The following CLTB variants were observed in gnomAD, a reference collection of about 807,000 sequenced individuals.
CLTB encodes clathrin, light chain (Lcb).
A neutral mutation model predicts 30.5 loss-of-function variants in CLTB; 10 were observed. That is an observed-to-expected ratio of 0.33 (90% CI 0.20 to 0.56). The LOEUF (loss-of-function observed/expected upper bound fraction) is 0.56, where lower values mean the gene tolerates loss of function less well. CLTB is among the 20% of genes least tolerant of loss of function. The pLI is 0.91. For missense variants in CLTB, 261 were observed against 308.3 expected, an observed-to-expected ratio of 0.85 and a Z score of 1.15; for synonymous variants, 102 against 120.3, an observed-to-expected ratio of 0.85 and a Z score of 1.00.
chr5:176,411,558 A>C lies in CLTB; in HGVS notation c.188-1255T>G, dbSNP rs187418724. Reference sequence around the variant, plus strand: ...CTATTCCTCCTGCAGTATTAAGCGCACTTACTACAGCCTGCTGTGTTTATT... The same window carrying C: ...CTATTCCTCCTGCAGTATTAAGCGCCCTTACTACAGCCTGCTGTGTTTATT... On this transcript the variant is annotated intron_variant, in intron 1 of 5. Transcript: ENST00000310418. Among the ~76,000 whole-genome samples the C allele has an allele frequency of 2.0e-5, 3 of 152,172 alleles. No homozygotes were observed. The East Asian group carries it at 5.8e-4, about 29-fold the overall frequency.
intron 2 of CLTB, chr5:176,406,844 G>A (rs541208571): frequency 1.6e-4 from 91 of 585,262 alleles, no homozygotes; most frequent in South Asian, 1.4e-3. Flanking sequence ...TAAAGAGCTG[G>A]GGCTTTCCAC....
In CLTB at chr5:176,397,723, G is replaced by A. The variant is rs878907137; in HGVS notation, c.353-5C>T. 1 of 1,612,156 alleles carries A rather than the reference G, an allele frequency of 6.2e-7. No homozygotes were observed. ...CCGTGACCTTAGATGCAGCATCTAG[G>A]ACCCCACAAGAGAATGAGTGGCTGC... On this transcript the variant is annotated splice_polypyrimidine_tract_variant and splice_region_variant and intron_variant, in intron 3 of 5. Coordinates refer to ENST00000310418, the MANE Select transcript of CLTB (RefSeq NM_007097.5).
chr5:176,407,655 T>C (rs370305981), intron 2 of CLTB: 5 of 152,358 alleles, frequency 3.3e-5, no homozygotes, highest in African/African-American at 1.2e-4. Context: ...AGGTGCACTT[T>C]AGGACACAGA....
At chr5:176,406,386 C>T in intron 2 of CLTB, 6 of 1,138,144 alleles carry the variant, frequency 5.3e-6, no homozygotes, top group Non-Finnish European at 6.6e-6. Context: ...CCCATGAGAA[C>T]CTCTGTGGAC....
At chr5:176,398,188 T>C in intron 2 of CLTB, 141 bp from the exon 3 acceptor site, 1 of 702,400 alleles carries the variant, frequency 1.4e-6, no homozygotes, top group Non-Finnish European at 2.5e-6. Context: ...ACTACACCTA[T>C]CTTTGCACTT....
intron 2 of CLTB, among the ~76,000 whole-genome samples, chr5:176,398,610 G>A (rs1756666624): frequency 6.6e-6 from 1 of 152,028 alleles, no homozygotes; most frequent in Non-Finnish European, 1.5e-5. Context: ...TACTCCGGAG[G>A]CTGAGGCAGG....
rs1258613895 is a variant in CLTB, at chr5:176,393,567, G to A, written c.519-622C>T. On this transcript the variant is annotated intron_variant, in intron 5 of 5. Coordinates refer to ENST00000310418, the MANE Select transcript of CLTB (RefSeq NM_007097.5). The surrounding 1 kb of genome is among the most constrained non-coding windows in gnomAD (Gnocchi z 4.4). ...TGTGCGTCGTGACCCTCCAAGGTGT[G>A]TATGTGATGGAATCCACCACATCCC... Among the ~76,000 whole-genome samples, 1 of 152,134 alleles carries A rather than the reference G, an allele frequency of 6.6e-6. No individual in the cohort carries two copies. The highest frequency in any genetic ancestry group is 1.5e-5 in the Non-Finnish European group (1 of 68,030).
intron 1 of CLTB, among the ~76,000 whole-genome samples, chr5:176,411,951 C>T (rs779594109): frequency 1.9e-4 from 29 of 151,846 alleles, no homozygotes; most frequent in Non-Finnish European, 3.4e-4. Context: ...CTGAGGTGGG[C>T]AGATCACGAA....
intron 1 of CLTB, among the ~76,000 whole-genome samples, chr5:176,411,687 A>T (rs941818709): frequency 6.6e-6 from 1 of 152,202 alleles, no homozygotes; most frequent in Non-Finnish European, 1.5e-5. Context: ...AGTCCCTGGA[A>T]CATAACAAGG....
chr5:176,408,227 C>CTTT (rs548324556), intron 2 of CLTB, among the ~76,000 whole-genome samples: 1 of 144,220 alleles, frequency 6.9e-6, no homozygotes, highest in Admixed American at 6.9e-5. Flanking sequence ...GGGTTTTCCT[C>CTTT]TTTTTTTTTT....
chr5:176,404,600 C>G (rs1271374936), intron 2 of CLTB, among the ~76,000 whole-genome samples: 3 of 152,186 alleles, frequency 2.0e-5, no homozygotes, highest in Admixed American at 2.0e-4. Context: ...ACTCAGCCCC[C>G]ACGGTGTCCT....
At position 176,397,602 on chromosome 5, in the gene CLTB, C is replaced by G. The variant is rs993553375; in HGVS notation, c.464+5G>C. On this transcript the variant is annotated splice_donor_5th_base_variant and intron_variant, in intron 4 of 5. Coordinates refer to ENST00000310418, the MANE Select transcript of CLTB (RefSeq NM_007097.5). The stretch of plus-strand genomic sequence containing the variant: ...GGCCCCCTCATGTCCCTACAGCCCT[C>G]TCACCGGTTGTTGATCTTGTTCTTC... 6.2e-7 allele frequency: 1 copy of G among 1,601,450 alleles called. No homozygotes were observed. Among genetic ancestry groups the G allele is most frequent in the Non-Finnish European group, 8.5e-7 (1 of 1,172,794 alleles).
chr5:176,403,291 C>T (rs1290177039), intron 2 of CLTB, among the ~76,000 whole-genome samples: 2 of 152,058 alleles, frequency 1.3e-5, no homozygotes, highest in African/African-American at 4.8e-5. Context: ...CTCAGGTGAT[C>T]CACCCACCTC....
chr5:176,410,170 G>A lies in CLTB; in HGVS notation c.234+87C>T. Reference sequence around the variant, plus strand: ...CAGACATAATGAACAGGAGAACCTGGAGCTGTAAGCCTACAACAATGAGGC... The same window carrying A: ...CAGACATAATGAACAGGAGAACCTGAAGCTGTAAGCCTACAACAATGAGGC... On this transcript the variant is annotated intron_variant, in intron 2 of 5. Transcript: ENST00000310418. 1.1e-5 allele frequency: 13 copies of A among 1,151,290 alleles called. No homozygotes were observed. The South Asian group carries it at 1.7e-4, about 15-fold the overall frequency. The allele number at this position is 1,151,290 out of a possible 1,614,324, so 71.3% of individuals were successfully genotyped here.
chr5:176,405,292 C>T (rs1757045751), intron 2 of CLTB, among the ~76,000 whole-genome samples: 1 of 151,952 alleles, frequency 6.6e-6, no homozygotes, highest in African/African-American at 2.4e-5. Flanking sequence ...AGCTCGAGAC[C>T]AGCCTGGCCA....
rs935357678 is a variant in CLTB, at chr5:176,397,597, G to T, written c.464+10C>A. On this transcript the variant is annotated intron_variant, in intron 4 of 5. Transcript: ENST00000310418. ...CCCATGGCCCCCTCATGTCCCTACA[G>T]CCCTCTCACCGGTTGTTGATCTTGT... The T allele has an allele frequency of 7.0e-7, 1 of 1,422,674 alleles. No individual in the cohort carries two copies. The allele number at this position is 1,422,674 out of a possible 1,614,324, so 88.1% of individuals were successfully genotyped here.
chr5:176,400,136 G>T (rs968816731), intron 2 of CLTB, among the ~76,000 whole-genome samples: 4 of 151,276 alleles, frequency 2.6e-5, no homozygotes, highest in Admixed American at 2.6e-4. Flanking sequence ...AGGGGAGGCT[G>T]CAGTGAGCCA....
intron 2 of CLTB, among the ~76,000 whole-genome samples, chr5:176,409,290 A>G (rs1757297964): frequency 8.1e-6 from 1 of 123,244 alleles, no homozygotes; most frequent in African/African-American, 3.3e-5. Flanking sequence ...TATTTTTAAA[A>G]TTGAAAAAAA....
At chr5:176,414,962 A>C (rs1422872099) in intron 1 of CLTB, among the ~76,000 whole-genome samples, 1 of 152,206 alleles carries the variant, frequency 6.6e-6, no homozygotes, top group African/African-American at 2.4e-5. Context: ...AACATCATTA[A>C]CCAAAATATG....
Sources: gnomAD v4.1 joint callset for allele counts (sites outside exome capture counted in the v4.1 genomes callset) on GRCh38, gnomAD v4.1.1 for gene constraint, Gnocchi (gnomAD v3.1) non-coding constraint, MANE v1.5 for transcripts, NCBI Gene and HGNC (gene_info 2026-07-23, HGNC 2026-07-21) for gene names.